Variants in PRKCE observed in about 807,000 individuals in gnomAD.
PRKCE encodes protein kinase C epsilon, also known as protein kinase C epsilon type.
PRKCE carries 16 observed loss-of-function variants against 85.4 expected under a neutral mutation model. The observed-to-expected ratio is 0.19, with a 90% CI of 0.13 to 0.28. PRKCE has a LOEUF of 0.28. Among genes scored for constraint, PRKCE ranks in the 10% least tolerant of loss-of-function variants. The probability of loss-of-function intolerance (pLI) is 1.00; values close to 1 mark genes in which losing one functional copy is unlikely to be tolerated. For synonymous variants in PRKCE, 388 were observed against 371.5 expected, an observed-to-expected ratio of 1.04 and a Z score of -0.51; for missense variants, 573 against 975.2, an observed-to-expected ratio of 0.59 and a Z score of 5.49.
intron 2 of PRKCE, among the ~76,000 whole-genome samples, chr2:45,853,974 G>T (rs1028283739): frequency 4.6e-5 from 7 of 152,016 alleles, no homozygotes; most frequent in African/African-American, 1.7e-4. Flanking sequence ...TCCCACACAC[G>T]GGCCCATCCC....
chr2:45,914,362 G>A (rs528174268), intron 2 of PRKCE, among the ~76,000 whole-genome samples: 1 of 152,226 alleles, frequency 6.6e-6, no homozygotes, highest in African/African-American at 2.4e-5. Flanking sequence ...TTGGACATGT[G>A]GACTTGGATG....
intron 10 of PRKCE, among the ~76,000 whole-genome samples, chr2:46,065,505 A>G (rs773048827): frequency 6.6e-6 from 1 of 152,162 alleles, no homozygotes; most frequent in African/African-American, 2.4e-5. Flanking sequence ...TTTGGTAAAA[A>G]ATTTGTTGTT....
chr2:46,027,023 G>C (rs768233823), intron 10 of PRKCE, among the ~76,000 whole-genome samples: 1 of 152,090 alleles, frequency 6.6e-6, no homozygotes, highest in African/African-American at 2.4e-5. Context: ...TTTTAAATTA[G>C]CCTGGCACGG....
chr2:45,913,560 T>G (rs994402266), intron 2 of PRKCE, among the ~76,000 whole-genome samples: 2 of 152,254 alleles, frequency 1.3e-5, no homozygotes, highest in African/African-American at 4.8e-5. Context: ...AGGGGCCTCA[T>G]GTACCTTTGA....
chr2:46,009,043 G>T (rs1433870277), intron 9 of PRKCE, among the ~76,000 whole-genome samples: 4 of 152,180 alleles, frequency 2.6e-5, no homozygotes, highest in African/African-American at 9.7e-5. Flanking sequence ...CTGTACTTAG[G>T]AGTTACTTAT....
chr2:45,758,567 C>G (rs1002293434), intron 1 of PRKCE, among the ~76,000 whole-genome samples: 1 of 152,108 alleles, frequency 6.6e-6, no homozygotes, highest in Non-Finnish European at 1.5e-5. Context: ...TGATCTGTGC[C>G]CAAATGTTAC....
chr2:45,899,557 T>G (rs1696415942), intron 2 of PRKCE, among the ~76,000 whole-genome samples: 1 of 152,000 alleles, frequency 6.6e-6, no homozygotes, highest in African/African-American at 2.4e-5. Context: ...AATTTTTGTA[T>G]TTTTTTGTAG....
chr2:45,820,810 G>T (rs1463556133), intron 1 of PRKCE, among the ~76,000 whole-genome samples: 1 of 152,088 alleles, frequency 6.6e-6, no homozygotes, highest in Non-Finnish European at 1.5e-5. Context: ...TACAGTTGAG[G>T]CCCCAAGAGA....
At chr2:46,107,195 T>TA (rs1313924489) in intron 11 of PRKCE, among the ~76,000 whole-genome samples, 1 of 152,232 alleles carries the variant, frequency 6.6e-6, no homozygotes, top group East Asian at 1.9e-4. Context: ...TACCTTTTTT[T>TA]ACCAACACTG....
intron 1 of PRKCE, among the ~76,000 whole-genome samples, chr2:45,723,192 C>T (rs6544847): frequency 0.86 from 130,280 of 151,974 alleles, 56,160 homozygotes; most frequent in East Asian, 0.94. Flanking sequence ...TTCTGCCCTC[C>T]TGGGACTTTC....
intron 10 of PRKCE, among the ~76,000 whole-genome samples, chr2:46,055,954 C>A (rs770840647): frequency 1.3e-5 from 2 of 152,156 alleles, no homozygotes; most frequent in Non-Finnish European, 2.9e-5. Flanking sequence ...TGAGTCATAG[C>A]GCCCGGCCAG....
rs529153798 is a variant in PRKCE, at chr2:45,863,936, C to T, written c.412+20873C>T. ...GGCAGCAGACGGCCCAATTCAAAGG[C>T]CATAGAGGTTGCAAGTCTGACCCTG... On this transcript the variant is annotated intron_variant, in intron 2 of 14. Transcript: ENST00000306156. Among the ~76,000 whole-genome samples the T allele has an allele frequency of 4.6e-5, 7 of 152,258 alleles. No homozygotes were observed. In the East Asian group the frequency reaches 9.6e-4, roughly 21 times the overall value.
At chr2:45,658,408 T>G (rs1289754221) in intron 1 of PRKCE, among the ~76,000 whole-genome samples, 1 of 152,244 alleles carries the variant, frequency 6.6e-6, no homozygotes, top group African/African-American at 2.4e-5. Flanking sequence ...GAACTGTTTC[T>G]TCTTCTTAGT....
At position 46,138,014 on chromosome 2, in the gene PRKCE, T is replaced by C. The variant is rs1675164239; in HGVS notation, c.1593-7079T>C. Among the ~76,000 whole-genome samples, 1 of 152,246 alleles carries C rather than the reference T, an allele frequency of 6.6e-6. No homozygotes were observed. Among genetic ancestry groups the C allele is most frequent in the South Asian group, 2.1e-4 (1 of 4,828 alleles). ...GTATAGTTAGTCTTAGAAGTCAAACTTTTTGTTTTTCCCCTGAGACTATTA... is the reference window on the plus strand; with the variant it reads ...GTATAGTTAGTCTTAGAAGTCAAACCTTTTGTTTTTCCCCTGAGACTATTA... On this transcript the variant is annotated intron_variant, in intron 11 of 14. Coordinates refer to ENST00000306156, the MANE Select transcript of PRKCE (RefSeq NM_005400.3). This position sits in a 1 kb window ranked among gnomAD's most constrained non-coding sequence, Gnocchi z 4.2.
At chr2:45,737,930 A>G (rs577985871) in intron 1 of PRKCE, among the ~76,000 whole-genome samples, 1 of 152,150 alleles carries the variant, frequency 6.6e-6, no homozygotes, top group African/African-American at 2.4e-5. Flanking sequence ...CTGATTATAC[A>G]GCACCTCCAT....
At chr2:46,011,393 A>C (rs1409249714) in intron 10 of PRKCE, among the ~76,000 whole-genome samples, 1 of 152,176 alleles carries the variant, frequency 6.6e-6, no homozygotes, top group Non-Finnish European at 1.5e-5. Flanking sequence ...CTTAAAATTC[A>C]ATAGTTATTC....
At chr2:45,858,466 C>A (rs1283144457) in intron 2 of PRKCE, among the ~76,000 whole-genome samples, 1 of 152,040 alleles carries the variant, frequency 6.6e-6, no homozygotes, top group East Asian at 1.9e-4. Flanking sequence ...CAGACTTACC[C>A]TCCCTCCCTT....
intron 14 of PRKCE, among the ~76,000 whole-genome samples, chr2:46,168,869 C>G (rs753745795): frequency 5.2e-4 from 79 of 152,128 alleles, no homozygotes; most frequent in Non-Finnish European, 7.8e-4. Flanking sequence ...TGCAGAAGAT[C>G]CTATCCAAGT....
chr2:45,713,721 A>C (rs1322674275), intron 1 of PRKCE, among the ~76,000 whole-genome samples: 1 of 152,142 alleles, frequency 6.6e-6, no homozygotes, highest in Non-Finnish European at 1.5e-5. Context: ...ATTAGTTTCC[A>C]CTCATGGTAA....
Sources: gnomAD v4.1 joint callset for allele counts (sites outside exome capture counted in the v4.1 genomes callset) on GRCh38, gnomAD v4.1.1 for gene constraint, Gnocchi (gnomAD v3.1) non-coding constraint, MANE v1.5 for transcripts, NCBI Gene and HGNC (gene_info 2026-07-23, HGNC 2026-07-21) for gene names.